PDE4B: variants seen among roughly 807,000 people sequenced by gnomAD.
PDE4B encodes the protein phosphodiesterase 4B.
In PDE4B, 20 loss-of-function variants were observed where a neutral mutation model predicts 82.2. The ratio of observed to expected loss-of-function variants is 0.24; its 90% CI spans 0.17 to 0.35. The LOEUF is 0.35. PDE4B is among the 10% of genes least tolerant of loss of function. The probability of loss-of-function intolerance (pLI) is 1.00; values close to 1 mark genes in which losing one functional copy is unlikely to be tolerated. For missense variants in PDE4B, 655 were observed against 907.2 expected (o/e 0.72, Z 3.57); for synonymous variants, 320 against 318.9 (o/e 1.00, Z -0.04).
At chr1:66,042,637 A>G (rs1442537204) in intron 3 of PDE4B, 1 of 151,778 alleles carries the variant, frequency 6.6e-6, no homozygotes, top group Non-Finnish European at 1.5e-5. Flanking sequence ...TTTCTCTTTT[A>G]AGGATATTGT....
chr1:66,155,438 T>C (rs1251321255), intron 3 of PDE4B, among the ~76,000 whole-genome samples: 1 of 152,144 alleles, frequency 6.6e-6, no homozygotes, highest in Non-Finnish European at 1.5e-5. Flanking sequence ...TCCACGTAGA[T>C]ACCCCATGGT....
intron 3 of PDE4B, among the ~76,000 whole-genome samples, chr1:66,244,860 C>T (rs1653182819): frequency 6.6e-6 from 1 of 152,214 alleles, no homozygotes; most frequent in Non-Finnish European, 1.5e-5. Context: ...CAGGGTCTAA[C>T]CCCAGTTTAC....
intron 3 of PDE4B, among the ~76,000 whole-genome samples, chr1:66,032,488 A>G (rs951689813): frequency 2.0e-5 from 3 of 152,174 alleles, no homozygotes; most frequent in Non-Finnish European, 2.9e-5. Context: ...CACTGGTGAA[A>G]ATCCCTAGGA....
intron 3 of PDE4B, among the ~76,000 whole-genome samples, chr1:66,048,394 A>G (rs1180602478): frequency 6.6e-6 from 1 of 151,944 alleles, no homozygotes; most frequent in Non-Finnish European, 1.5e-5. Flanking sequence ...CCACGATCAT[A>G]TCCTTTTATG....
chr1:66,174,922 C>A (rs1325032660), intron 3 of PDE4B, among the ~76,000 whole-genome samples: 4 of 152,108 alleles, frequency 2.6e-5, no homozygotes, highest in African/African-American at 9.7e-5. Context: ...GAAGGGGAAG[C>A]AAGGCGCGTC....
rs542416454 is a variant in PDE4B, at chr1:66,105,085, T to A, written c.282-142375T>A. On this transcript the variant is annotated intron_variant, in intron 3 of 16. Coordinates refer to ENST00000341517, the MANE Select transcript of PDE4B (RefSeq NM_002600.4). Reference sequence around the variant, plus strand: ...TTTATGGTTTTAGGTCTAACGTTTATGTCTTTAATCCATCTTGAATTAATT... The same window carrying A: ...TTTATGGTTTTAGGTCTAACGTTTAAGTCTTTAATCCATCTTGAATTAATT... 9.2e-5 allele frequency among the ~76,000 whole-genome samples: 14 copies of A among 152,204 alleles called. No individual in the cohort carries two copies. The South Asian group carries it at 1.9e-3, about 20-fold the overall frequency.
At chr1:66,066,920 C>T (rs1031958526) in intron 3 of PDE4B, among the ~76,000 whole-genome samples, 1 of 151,932 alleles carries the variant, frequency 6.6e-6, no homozygotes, top group Non-Finnish European at 1.5e-5. Context: ...CAAGATTATT[C>T]TGAACATTCA....
At chr1:65,907,960 C>G (rs965159091) in intron 1 of PDE4B, among the ~76,000 whole-genome samples, 1 of 152,160 alleles carries the variant, frequency 6.6e-6, no homozygotes, top group Admixed American at 6.6e-5. Flanking sequence ...GTACCTCGCT[C>G]TGAGGCAGAG....
intron 1 of PDE4B, among the ~76,000 whole-genome samples, chr1:65,845,636 C>T (rs1256097462): frequency 1.3e-5 from 2 of 152,158 alleles, no homozygotes; most frequent in African/African-American, 4.8e-5. Flanking sequence ...TAGCTGGTCT[C>T]ATATTGATGA....
At chr1:65,899,799 A>G (rs1461707576) in intron 1 of PDE4B, among the ~76,000 whole-genome samples, 1 of 151,976 alleles carries the variant, frequency 6.6e-6, no homozygotes, top group Non-Finnish European at 1.5e-5. Flanking sequence ...CAAACATCAT[A>G]CGTTCTCACT....
intron 3 of PDE4B, among the ~76,000 whole-genome samples, chr1:66,141,327 AATATATATATATATATATATAT>A (rs71058454): frequency 1.6e-4 from 15 of 91,482 alleles, no homozygotes; most frequent in African/African-American, 4.9e-4. Flanking sequence ...AAGCTTTGAG[AATATATATATATATATATATAT>A]ATATATATAT....
chr1:65,921,813 A>G (rs538022566), intron 3 of PDE4B, among the ~76,000 whole-genome samples: 4 of 152,194 alleles, frequency 2.6e-5, no homozygotes, highest in Non-Finnish European at 4.4e-5. Flanking sequence ...ACGTGATCCT[A>G]GGATTTGATC....
At chr1:66,090,621 A>ATATATGTGTGTGTGTGTGTG in intron 3 of PDE4B, among the ~76,000 whole-genome samples, 1 of 122,738 alleles carries the variant, frequency 8.1e-6, no homozygotes, top group African/African-American at 4.1e-5. Context: ...TATATAATAT[A>ATATATGTGTGTGTGTGTGTG]TGTGTGTGTG....
Position 66,210,159 on chromosome 1 carries a change from C to T in PDE4B, c.282-37301C>T, listed in dbSNP as rs578066768. ...TTAATTATACATTTACACTAACGGCCGTGTGCACTGAGAAAAATCCTCCTG... is the reference window on the plus strand; with the variant it reads ...TTAATTATACATTTACACTAACGGCTGTGTGCACTGAGAAAAATCCTCCTG... On this transcript the variant is annotated intron_variant, in intron 3 of 16. Coordinates refer to ENST00000341517, the MANE Select transcript of PDE4B (RefSeq NM_002600.4). Among the ~76,000 whole-genome samples the T allele has an allele frequency of 1.0e-3, 154 of 152,232 alleles. 3 individuals are homozygous for T. In the South Asian group the frequency reaches 0.03, roughly 30 times the overall value.
At chr1:65,938,010 C>T (rs1299263306) in intron 3 of PDE4B, among the ~76,000 whole-genome samples, 2 of 151,998 alleles carry the variant, frequency 1.3e-5, no homozygotes, top group Non-Finnish European at 2.9e-5. Flanking sequence ...GAAGAACAAA[C>T]AAAAAATGGC....
intron 3 of PDE4B, among the ~76,000 whole-genome samples, chr1:66,041,183 T>C (rs1396034576): frequency 1.3e-5 from 2 of 151,968 alleles, no homozygotes; most frequent in African/African-American, 2.4e-5. Context: ...TTAGAAAGTA[T>C]AATGGCACAA....
intron 3 of PDE4B, among the ~76,000 whole-genome samples, chr1:66,225,393 A>G (rs1651368737): frequency 6.6e-6 from 1 of 152,218 alleles, no homozygotes; most frequent in African/African-American, 2.4e-5. Context: ...AGTCGATAAT[A>G]TTTCTAAGAA....
At chr1:66,090,094 G>C (rs892924129) in intron 3 of PDE4B, among the ~76,000 whole-genome samples, 1 of 152,004 alleles carries the variant, frequency 6.6e-6, no homozygotes, top group Non-Finnish European at 1.5e-5. Context: ...AAGTTGGTTG[G>C]TATCATGGAA....
intron 3 of PDE4B, among the ~76,000 whole-genome samples, chr1:66,181,854 C>G (rs1199272315): frequency 6.6e-6 from 1 of 152,000 alleles, no homozygotes; most frequent in Non-Finnish European, 1.5e-5. Flanking sequence ...ATCTTCAGTG[C>G]ATTTATTAGT....
Sources: allele counts gnomAD v4.1 joint callset (sites outside exome capture counted in the v4.1 genomes callset), GRCh38; gene constraint gnomAD v4.1.1; transcripts MANE v1.5; gene names NCBI Gene and HGNC (gene_info 2026-07-23, HGNC 2026-07-21).